Variants in DMXL1 observed in about 807,000 individuals in gnomAD.
The protein encoded by DMXL1 is Dmx like 1, also known as dmX-like protein 1.
In DMXL1, 99 loss-of-function variants were observed where a neutral mutation model predicts 319.2. That is an observed-to-expected ratio of 0.31 (90% confidence interval 0.26 to 0.37). DMXL1 has a LOEUF of 0.37. Among genes scored for constraint, DMXL1 ranks in the 10% least tolerant of loss-of-function variants. DMXL1 has a pLI of 1.00. For synonymous variants in DMXL1, 1,385 were observed against 1,235.2 expected, an observed-to-expected ratio of 1.12 and a Z score of -2.54; for missense variants, 3,745 against 3,595.6, an observed-to-expected ratio of 1.04 and a Z score of -1.06.
chr5:119,166,793 AATTT>A lies in DMXL1; in HGVS notation c.5136+14_5136+17del. 4.4e-6 allele frequency: 7 copies of A among 1,592,590 alleles called. No individual in the cohort carries two copies. Among genetic ancestry groups the A allele is most frequent in the Non-Finnish European group, 6.0e-6 (7 of 1,171,086 alleles). The stretch of plus-strand genomic sequence containing the variant: ...GAGATGCAATTGAGGTAATGAGTGA[AATTT>A]AAATAACAAAGTATAGCAATGTCAT... On this transcript the variant is annotated intron_variant, in intron 22 of 43. Coordinates refer to ENST00000539542, the MANE Select transcript of DMXL1 (RefSeq NM_001290321.3).
At chr5:119,179,443 T>A (rs1224645320) in intron 28 of DMXL1, among the ~76,000 whole-genome samples, 1 of 152,052 alleles carries the variant, frequency 6.6e-6, no homozygotes, top group Non-Finnish European at 1.5e-5. Context: ...GTATGTGGGC[T>A]TGGATATATA....
Position 119,244,500 on chromosome 5 carries a change from A to T in DMXL1, c.8846A>T (p.Asp2949Val), listed in dbSNP as rs375761880. The stretch of plus-strand genomic sequence containing the variant: ...CAGAGGCAGCTTTTCCAGAGCCATG[A>T]TTCTCCTGTTAAAGCCGTTGCTGTT... ...RQQRQLFQSH[D>V]SPVKAVAVDP... The change falls in exon 43 of 44, where the codon GAT becomes GTT. Residue 2949 changes from aspartate to valine, a missense_variant. Asp to Val is a radical substitution (Grantham distance 152). This residue lies in a region of DMXL1 where 262 missense variants were observed against 320.5 expected (regional missense o/e 0.82). Coordinates refer to ENST00000539542, the MANE Select transcript of DMXL1 (RefSeq NM_001290321.3). The T allele has an allele frequency of 1.9e-6, 3 of 1,614,068 alleles. No individual in the cohort carries two copies. The African/African-American group carries it at 4.0e-5, about 22-fold the overall frequency.
At chr5:119,181,433 A>T (rs192974542) in intron 28 of DMXL1, among the ~76,000 whole-genome samples, 298 of 152,070 alleles carry the variant, frequency 2.0e-3, no homozygotes, top group African/African-American at 6.8e-3. Context: ...CATGAATGGT[A>T]CGATTTGTCC....
intron 1 of DMXL1, among the ~76,000 whole-genome samples, chr5:119,088,708 T>A (rs1753910451): frequency 6.6e-6 from 1 of 152,170 alleles, no homozygotes; most frequent in African/African-American, 2.4e-5. Context: ...CTTATTGAAG[T>A]GCGTTATTAT....
chr5:119,134,733 A>C (rs1031468338), intron 13 of DMXL1, among the ~76,000 whole-genome samples: 3 of 152,236 alleles, frequency 2.0e-5, no homozygotes, highest in Non-Finnish European at 2.9e-5. Context: ...CAACAGGAAT[A>C]GAATTTTAAT....
rs771681520 is a variant in DMXL1, at chr5:119,220,532, G to A, written c.8074G>A (p.Gly2692Arg). ...SHDVQELDVS[G>R]ILATQVYTWV... ...TGATGTTCAAGAACTGGATGTTTCT[G>A]GAATTCTGGCCACACAGGTCTACAC... The change falls in exon 36 of 44, where the codon GGA becomes AGA. Residue 2692 changes from glycine to arginine, a missense_variant. Gly to Arg is a moderately radical substitution (Grantham distance 125). Transcript: ENST00000539542. The A allele has an allele frequency of 6.2e-7, 1 of 1,613,874 alleles. No homozygotes were observed. Among genetic ancestry groups the A allele is most frequent in the Non-Finnish European group, 8.5e-7 (1 of 1,179,854 alleles).
intron 1 of DMXL1, among the ~76,000 whole-genome samples, chr5:119,087,915 C>T (rs563271515): frequency 1.3e-5 from 2 of 152,272 alleles, no homozygotes; most frequent in Admixed American, 1.3e-4. Context: ...GATTCTCCTG[C>T]CTCAGCCTCC....
intron 42 of DMXL1, among the ~76,000 whole-genome samples, chr5:119,242,744 C>T (rs936425042): frequency 1.3e-5 from 2 of 152,118 alleles, no homozygotes; most frequent in Admixed American, 1.3e-4. Flanking sequence ...GTGGTATTAG[C>T]TTAAGAATAT....
Position 119,071,436 on chromosome 5 carries a change from C to G in DMXL1, c.-134C>G, listed in dbSNP as rs7444127. 7.2e-4 allele frequency: 629 copies of G among 878,172 alleles called. 8 individuals are homozygous for G. The African/African-American group carries it at 0.01, about 14-fold the overall frequency. 54.4% of individuals were successfully genotyped at this position (878,172 alleles called of 1,614,324 possible). A position where few individuals can be genotyped will look rare whatever the true frequency, so the allele number is the denominator to read the frequency against. On this transcript the variant is annotated 5_prime_UTR_variant, in exon 1 of 44. Transcript: ENST00000539542. The stretch of plus-strand genomic sequence containing the variant: ...GGGCCCCAGCTGAGCGGCTCCGGCT[C>G]CAGGCGCCTGTCGCTGCTTCTGCCG...
At position 119,221,030 on chromosome 5, in the gene DMXL1, A is replaced by C; in HGVS notation, c.8226A>C (p.Pro2742=). 1 of 1,613,886 alleles carries C rather than the reference A, an allele frequency of 6.2e-7. No homozygotes were observed. Among genetic ancestry groups the C allele is most frequent in the Non-Finnish European group, 8.5e-7 (1 of 1,179,846 alleles). The change falls in exon 37 of 44, where the codon CCA becomes CCC. Residue 2742 remains proline, a synonymous_variant. Transcript: ENST00000539542. ...TPYTHSNPGT[P]INMPWLGSTQ... Reference sequence around the variant, plus strand: ...ATACACATAGCAATCCTGGCACTCCAATCAACATGCCATGGCTTGGTAGTA... The same window carrying C: ...ATACACATAGCAATCCTGGCACTCCCATCAACATGCCATGGCTTGGTAGTA...
intron 28 of DMXL1, among the ~76,000 whole-genome samples, chr5:119,186,137 A>G (rs969509197): frequency 2.6e-5 from 4 of 152,200 alleles, no homozygotes; most frequent in Non-Finnish European, 5.9e-5. Context: ...GCTCAGTTAG[A>G]AGGTCCAGAC....
chr5:119,099,060 G>A (rs1207943030), intron 2 of DMXL1, among the ~76,000 whole-genome samples: 4 of 151,976 alleles, frequency 2.6e-5, no homozygotes, highest in Non-Finnish European at 5.9e-5. Context: ...TTGTTACATG[G>A]TATTCCTTCC....
At chr5:119,142,539 G>C (rs1467712270) in intron 13 of DMXL1, among the ~76,000 whole-genome samples, 1 of 136,224 alleles carries the variant, frequency 7.3e-6, no homozygotes, top group Non-Finnish European at 1.6e-5. Context: ...AAAAAAAAAA[G>C]ATGCTGATGA....
chr5:119,244,196 T>G (rs187679322), intron 42 of DMXL1, among the ~76,000 whole-genome samples, 163 bp from the exon 43 acceptor site: 31 of 152,354 alleles, frequency 2.0e-4, no homozygotes, highest in African/African-American at 7.0e-4. Context: ...CTTCATTACC[T>G]TATATCCAGT....
At chr5:119,106,183 G>A (rs1758300527) in intron 4 of DMXL1, among the ~76,000 whole-genome samples, 1 of 152,130 alleles carries the variant, frequency 6.6e-6, no homozygotes, top group African/African-American at 2.4e-5. Flanking sequence ...CCTCCACATG[G>A]CCTCTTCTGT....
rs751586981 is a variant in DMXL1 at position 119,224,706 on chromosome 5, C to T, written c.8278-3C>T. On this transcript the variant is annotated splice_polypyrimidine_tract_variant and splice_region_variant and intron_variant, in intron 37 of 43. Coordinates refer to ENST00000539542, the MANE Select transcript of DMXL1 (RefSeq NM_001290321.3). ...CTATAAAATAATTTTTCTATTTTAC[C>T]AGATGATTAAGAAAGCCATTAATAA... The T allele has an allele frequency of 3.0e-5, 36 of 1,217,358 alleles. No individual in the cohort carries two copies. The highest frequency in any genetic ancestry group is 1.9e-5 in the South Asian group (1 of 51,840). 75.4% of individuals were successfully genotyped at this position (1,217,358 alleles called of 1,614,324 possible).
chr5:119,085,048 G>T (rs1257153269), intron 1 of DMXL1, among the ~76,000 whole-genome samples: 1 of 151,864 alleles, frequency 6.6e-6, no homozygotes. Flanking sequence ...ATTAATTCCA[G>T]CTGGTCACAG....
chr5:119,243,483 C>T (rs578175645), intron 42 of DMXL1, among the ~76,000 whole-genome samples: 31 of 152,220 alleles, frequency 2.0e-4, no homozygotes, highest in South Asian at 4.1e-4. Flanking sequence ...ATGCAATATT[C>T]TCCTTGAGCT....
At chr5:119,200,960 G>A (rs1780596208) in intron 32 of DMXL1, among the ~76,000 whole-genome samples, 1 of 152,136 alleles carries the variant, frequency 6.6e-6, no homozygotes, top group Non-Finnish European at 1.5e-5. Flanking sequence ...AGATCTAGGA[G>A]CTTTTGGGCT....
Sources: gnomAD v4.1 joint callset for allele counts (sites outside exome capture counted in the v4.1 genomes callset) on GRCh38, gnomAD v4.1.1 for gene constraint, gnomAD v4.1.1 regional missense constraint, MANE v1.5 for transcripts, NCBI Gene and HGNC (gene_info 2026-07-23, HGNC 2026-07-21) for gene names.